CLSTN2: variants seen among roughly 807,000 people sequenced by gnomAD.
CLSTN2 encodes calsyntenin-2.
Under a neutral mutation model 101.2 loss-of-function variants are expected in CLSTN2, and 48 were observed. The ratio of observed to expected loss-of-function variants is 0.47; its 90% CI spans 0.38 to 0.60. The LOEUF (loss-of-function observed/expected upper bound fraction) is 0.60. CLSTN2 is among the 20% of genes least tolerant of loss of function. The pLI, the probability that CLSTN2 is intolerant of heterozygous loss-of-function variation, is 0.00. For synonymous variants in CLSTN2, 481 were observed against 463.6 expected, an observed-to-expected ratio of 1.04 and a Z score of -0.48; for missense variants, 1,160 against 1,238.2, an observed-to-expected ratio of 0.94 and a Z score of 0.95.
chr3:140,272,743 C>A (rs930524656), intron 2 of CLSTN2, among the ~76,000 whole-genome samples: 1 of 152,020 alleles, frequency 6.6e-6, no homozygotes, highest in Non-Finnish European at 1.5e-5. Flanking sequence ...CAGAGCAAGA[C>A]CCTGTCTTCA....
intron 6 of CLSTN2, among the ~76,000 whole-genome samples, chr3:140,453,669 C>A (rs1477485210): frequency 6.6e-6 from 1 of 152,158 alleles, no homozygotes; most frequent in Non-Finnish European, 1.5e-5. Flanking sequence ...TGCTAATTAT[C>A]CTGAATTGAT....
chr3:140,384,785 A>C (rs1488509954), intron 2 of CLSTN2, among the ~76,000 whole-genome samples: 2 of 152,234 alleles, frequency 1.3e-5, no homozygotes, highest in African/African-American at 4.8e-5. Flanking sequence ...CTTCAGCTCA[A>C]AATATGGATT....
At chr3:140,342,777 A>G (rs1260312013) in intron 2 of CLSTN2, among the ~76,000 whole-genome samples, 1 of 152,082 alleles carries the variant, frequency 6.6e-6, no homozygotes, top group East Asian at 1.9e-4. Flanking sequence ...CCAGGAGTTG[A>G]TACTGGCTGT....
intron 1 of CLSTN2, among the ~76,000 whole-genome samples, chr3:139,999,954 C>CA (rs34012453): frequency 1.5e-3 from 220 of 142,022 alleles, no homozygotes; most frequent in Middle Eastern, 3.6e-3. Flanking sequence ...AACCTTGTCT[C>CA]AAAAAAAAAA....
At chr3:140,537,092 C>T (rs893242706) in intron 9 of CLSTN2, among the ~76,000 whole-genome samples, 14 of 152,190 alleles carry the variant, frequency 9.2e-5, no homozygotes, top group Non-Finnish European at 1.5e-4. Flanking sequence ...AGTATAATCT[C>T]TCTGTGTGAA....
intron 10 of CLSTN2, among the ~76,000 whole-genome samples, chr3:140,553,836 G>A (rs547520768): frequency 3.3e-5 from 5 of 152,276 alleles, no homozygotes; most frequent in African/African-American, 7.2e-5. Context: ...TGTAGCCTCC[G>A]CAATGCCCAG....
intron 1 of CLSTN2, among the ~76,000 whole-genome samples, chr3:140,029,913 C>T (rs1037100112): frequency 4.6e-5 from 7 of 152,150 alleles, no homozygotes; most frequent in African/African-American, 1.7e-4. Flanking sequence ...TCAAAGTTGC[C>T]AGAATGCAGA....
intron 2 of CLSTN2, among the ~76,000 whole-genome samples, chr3:140,351,707 C>A (rs1008125039): frequency 6.6e-6 from 1 of 152,160 alleles, no homozygotes; most frequent in Admixed American, 6.5e-5. Flanking sequence ...GCTCTAGAGG[C>A]CCGACCTCTG....
chr3:140,165,264 C>T (rs531517696), intron 1 of CLSTN2, among the ~76,000 whole-genome samples: 3 of 152,178 alleles, frequency 2.0e-5, no homozygotes, highest in East Asian at 1.9e-4. Context: ...TTTCTATTTG[C>T]GTGATACAGG....
intron 1 of CLSTN2, among the ~76,000 whole-genome samples, chr3:140,060,768 A>T (rs2008191150): frequency 6.6e-6 from 1 of 152,236 alleles, no homozygotes; most frequent in Non-Finnish European, 1.5e-5. Flanking sequence ...AGTGGTGGGC[A>T]ACACAGGGAC....
At chr3:140,330,164 G>T (rs544064284) in intron 2 of CLSTN2, among the ~76,000 whole-genome samples, 45 of 152,348 alleles carry the variant, frequency 3.0e-4, no homozygotes, top group African/African-American at 1.1e-3. Flanking sequence ...GGAATCTTCA[G>T]AGATTCCCAG....
At chr3:140,264,451 A>G (rs2086679029) in intron 2 of CLSTN2, among the ~76,000 whole-genome samples, 1 of 131,382 alleles carries the variant, frequency 7.6e-6, no homozygotes, top group African/African-American at 2.7e-5. Context: ...TTTAAACAGG[A>G]ACACACATAA....
intron 1 of CLSTN2, among the ~76,000 whole-genome samples, chr3:139,945,941 A>C (rs1259735918): frequency 2.0e-5 from 3 of 152,216 alleles, no homozygotes; most frequent in African/African-American, 7.2e-5. Flanking sequence ...TAGTTCATTA[A>C]CACTATGAAC....
intron 2 of CLSTN2, among the ~76,000 whole-genome samples, chr3:140,204,594 G>T (rs2010756709): frequency 6.6e-6 from 1 of 151,978 alleles, no homozygotes; most frequent in South Asian, 2.1e-4. Context: ...GTAAAAGAAA[G>T]GCTTTACTGT....
At chr3:140,072,601 C>G (rs554411714) in intron 1 of CLSTN2, among the ~76,000 whole-genome samples, 1 of 152,070 alleles carries the variant, frequency 6.6e-6, no homozygotes, top group African/African-American at 2.4e-5. Context: ...AAGGGAAGGC[C>G]TGTTTACAAA....
intron 14 of CLSTN2, 40 bp from the exon 15 acceptor site, chr3:140,563,040 C>T: frequency 6.2e-7 from 1 of 1,612,270 alleles, no homozygotes; most frequent in Non-Finnish European, 8.5e-7. Context: ...GGCCCACCTG[C>T]CACTCCTGGG....
intron 1 of CLSTN2, among the ~76,000 whole-genome samples, chr3:140,139,525 T>G (rs1002993126): frequency 1.3e-5 from 2 of 152,158 alleles, no homozygotes; most frequent in African/African-American, 4.8e-5. Flanking sequence ...CCTTCCTGCA[T>G]CTCACCTCTG....
At chr3:140,160,279 A>G (rs557749661) in intron 1 of CLSTN2, among the ~76,000 whole-genome samples, 8 of 152,318 alleles carry the variant, frequency 5.3e-5, no homozygotes, top group Non-Finnish European at 1.0e-4. Context: ...AGAACATTCA[A>G]TAAAACACTA....
In CLSTN2 at chr3:140,496,539, G is replaced by A. The variant is rs142494459; in HGVS notation, c.1344+29808G>A. Among the ~76,000 whole-genome samples the A allele has an allele frequency of 7.6e-3, 1,163 of 152,268 alleles. 10 individuals carry two copies. Among genetic ancestry groups the A allele is most frequent in the African/African-American group, 0.026 (1,087 of 41,540 alleles). On this transcript the variant is annotated intron_variant, in intron 8 of 16. Coordinates refer to ENST00000458420, the MANE Select transcript of CLSTN2 (RefSeq NM_022131.3). The stretch of plus-strand genomic sequence containing the variant: ...ATGAGAGAGGGCATCCTTGTCTTGT[G>A]GCAGTTTTCAAGGGGAATGCGTCCA...
Sources: gnomAD v4.1 joint callset for allele counts (sites outside exome capture counted in the v4.1 genomes callset) on GRCh38, gnomAD v4.1.1 for gene constraint, MANE v1.5 for transcripts, NCBI Gene and HGNC (gene_info 2026-07-23, HGNC 2026-07-21) for gene names.